JHY: variants seen among roughly 807,000 people sequenced by gnomAD.
JHY encodes the protein jhy protein homolog.
A neutral mutation model predicts 78.0 loss-of-function variants in JHY; 69 were observed. The observed-to-expected ratio is 0.88, with a 90% CI of 0.73 to 1.08. The LOEUF (loss-of-function observed/expected upper bound fraction) is 1.08, where lower values mean the gene tolerates loss of function less well. Ranked by LOEUF, JHY falls within the 50% of genes least tolerant of loss-of-function variation. The pLI is 0.00. For missense variants in JHY, 944 were observed against 927.8 expected, an observed-to-expected ratio of 1.02 and a Z score of -0.23; for synonymous variants, 368 against 342.6, an observed-to-expected ratio of 1.07 and a Z score of -0.82.
chr11:122,947,363 T>G (rs1428543974), intron 6 of JHY: 1 of 152,468 alleles, frequency 6.6e-6, no homozygotes, highest in African/African-American at 2.4e-5. Flanking sequence ...TTAGCTGACC[T>G]TTACTGAGTT....
chr11:122,936,161 G>A (rs1863751452), intron 5 of JHY, among the ~76,000 whole-genome samples: 1 of 152,104 alleles, frequency 6.6e-6, no homozygotes, highest in African/African-American at 2.4e-5. Flanking sequence ...ACCATTTCTT[G>A]GTGTTCTTCG....
intron 2 of JHY, among the ~76,000 whole-genome samples, chr11:122,894,089 G>A (rs1419659963): frequency 3.3e-5 from 5 of 152,160 alleles, no homozygotes; most frequent in African/African-American, 1.2e-4. Flanking sequence ...GGGAGGCTGA[G>A]GCGGGAGGAT....
chr11:122,931,331 G>A (rs1863631004), intron 4 of JHY, among the ~76,000 whole-genome samples: 1 of 152,168 alleles, frequency 6.6e-6, no homozygotes, highest in Non-Finnish European at 1.5e-5. Flanking sequence ...GGTAATGATA[G>A]TATTAAAGAT....
rs1864337993 is a variant in JHY at position 122,962,592 on chromosome 11, G to GTATTT, written c.*3147_*3148insTATTT. Reference sequence around the variant, plus strand: ...CATGAAGACATTTCTAGAAATATGAGGTAGAATGAATAACCTTCATTAATT... The same window carrying GTATTT: ...CATGAAGACATTTCTAGAAATATGAGTATTTGTAGAATGAATAACCTTCATTAATT... On this transcript the variant is annotated 3_prime_UTR_variant, in exon 9 of 9. Transcript: ENST00000227349. Among the ~76,000 whole-genome samples the GTATTT allele has an allele frequency of 6.6e-6, 1 of 152,058 alleles. No homozygotes were observed. The highest frequency in any genetic ancestry group is 1.5e-5 in the Non-Finnish European group (1 of 68,010).
chr11:122,922,650 A>G (rs898872554), intron 3 of JHY, among the ~76,000 whole-genome samples: 1 of 151,978 alleles, frequency 6.6e-6, no homozygotes, highest in African/African-American at 2.4e-5. Context: ...CTCTACTAAA[A>G]ATACAAAAAA....
At chr11:122,955,125 T>C (rs930362182) in intron 6 of JHY, among the ~76,000 whole-genome samples, 6 of 152,126 alleles carry the variant, frequency 3.9e-5, no homozygotes, top group Admixed American at 2.6e-4. Context: ...TTGTTGTTGT[T>C]GTTGTTGTTG....
chr11:122,933,553 T>C (rs1863679568), intron 4 of JHY, among the ~76,000 whole-genome samples: 2 of 152,240 alleles, frequency 1.3e-5, no homozygotes, highest in Non-Finnish European at 1.5e-5. Flanking sequence ...ATAAAGACTG[T>C]TGTGAAATTG....
chr11:122,924,294 T>C (rs966925835), intron 3 of JHY, among the ~76,000 whole-genome samples: 8 of 152,212 alleles, frequency 5.3e-5, no homozygotes, highest in African/African-American at 1.2e-4. Context: ...CATTGTTGCA[T>C]GTGCAGGCTC....
chr11:122,896,154 G>A (rs1862736309), intron 2 of JHY, among the ~76,000 whole-genome samples: 1 of 151,972 alleles, frequency 6.6e-6, no homozygotes. Flanking sequence ...CATTTAGTCT[G>A]GCGTGTTTCT....
In JHY at chr11:122,898,516, T is replaced by G. The variant is rs571494602; in HGVS notation, c.345-5409T>G. ...AAAACTGAAGACTCACAACAAACAT[T>G]CCCTAGATCATCAAACAGTAACACG... On this transcript the variant is annotated intron_variant, in intron 2 of 8. Transcript: ENST00000227349. The surrounding 1 kb of genome is among the most constrained non-coding windows in gnomAD (Gnocchi z 4.4). Among the ~76,000 whole-genome samples, 231 of 152,136 alleles carry G rather than the reference T, an allele frequency of 1.5e-3. 2 individuals carry two copies. Among genetic ancestry groups the G allele is most frequent in the African/African-American group, 5.3e-3 (219 of 41,510 alleles).
chr11:122,903,776 G>A (rs1189375074), intron 2 of JHY, 149 bp from the exon 3 acceptor site: 2 of 1,140,146 alleles, frequency 1.8e-6, no homozygotes, highest in African/African-American at 1.5e-5. Flanking sequence ...GCCACTGCAC[G>A]CTGCTGGGAT....
Position 122,935,632 on chromosome 11 carries a change from G to A in JHY, c.1634+557G>A, listed in dbSNP as rs1261343856. Reference sequence around the variant, plus strand: ...AGTTGAAGGGAGAGGAGGACAGAGGGACCCAGTCAAAAAACATCAGTGTGT... The same window carrying A: ...AGTTGAAGGGAGAGGAGGACAGAGGAACCCAGTCAAAAAACATCAGTGTGT... On this transcript the variant is annotated intron_variant, in intron 5 of 8. Transcript: ENST00000227349. This position sits in a 1 kb window ranked among gnomAD's most constrained non-coding sequence, Gnocchi z 4.5. 6.6e-6 allele frequency among the ~76,000 whole-genome samples: 1 copy of A among 152,142 alleles called. No individual in the cohort carries two copies.
chr11:122,889,328 C>T (rs548622131), intron 2 of JHY, among the ~76,000 whole-genome samples: 53 of 15,642 alleles, frequency 3.4e-3, no homozygotes, highest in Non-Finnish European at 0.01. Context: ...CTTTCCGTAT[C>T]CATGGTTTCG....
At chr11:122,956,435 G>T in intron 6 of JHY, 61 bp from the exon 7 acceptor site, 1 of 1,464,266 alleles carries the variant, frequency 6.8e-7, no homozygotes, top group Non-Finnish European at 9.5e-7. Flanking sequence ...CTTACAGGGT[G>T]TTAGGAGTCG....
rs1863710925 is a variant in JHY at position 122,934,638 on chromosome 11, A to G, written c.1197A>G (p.Gln399=). 2.5e-6 allele frequency: 4 copies of G among 1,614,144 alleles called. No homozygotes were observed. The highest frequency in any genetic ancestry group is 3.4e-6 in the Non-Finnish European group (4 of 1,180,022). The change falls in exon 5 of 9, where the codon CAA becomes CAG. Residue 399 remains glutamine (Q), a synonymous_variant. Coordinates refer to ENST00000227349, the MANE Select transcript of JHY (RefSeq NM_024806.4). Reference sequence around the variant, plus strand: ...AGAATAACCCTCCCAGGCAGCAACAAAACCAAAATAAGCCTCTTGATACTT... The same window carrying G: ...AGAATAACCCTCCCAGGCAGCAACAGAACCAAAATAAGCCTCTTGATACTT... ...GNQNNPPRQQ[Q]NQNKPLDTST... is the part of the protein sequence containing the mutation.
chr11:122,930,393 G>A (rs1863613023), intron 4 of JHY, among the ~76,000 whole-genome samples: 2 of 152,142 alleles, frequency 1.3e-5, no homozygotes, highest in Non-Finnish European at 1.5e-5. Context: ...AAAGAGATAG[G>A]ATTTAACCAG....
At chr11:122,939,295 T>G (rs1251701301) in intron 5 of JHY, among the ~76,000 whole-genome samples, 1 of 152,154 alleles carries the variant, frequency 6.6e-6, no homozygotes, top group African/African-American at 2.4e-5. Context: ...CCTGACTGCT[T>G]CTTAAACAGA....
intron 5 of JHY, among the ~76,000 whole-genome samples, chr11:122,938,986 CTTTT>C (rs61703024): frequency 7.5e-6 from 1 of 133,872 alleles, no homozygotes; most frequent in Admixed American, 7.5e-5. Context: ...CCTGCTTCTT[CTTTT>C]TTTTTTTTTT....
At chr11:122,887,620 C>T (rs142551253) in intron 2 of JHY, among the ~76,000 whole-genome samples, 4 of 151,554 alleles carry the variant, frequency 2.6e-5, no homozygotes, top group Admixed American at 6.6e-5. Flanking sequence ...TGTGCCCGGC[C>T]GATTTTTTTT....
Sources: gnomAD v4.1 joint callset for allele counts (sites outside exome capture counted in the v4.1 genomes callset) on GRCh38, gnomAD v4.1.1 for gene constraint, Gnocchi (gnomAD v3.1) non-coding constraint, MANE v1.5 for transcripts, NCBI Gene and HGNC (gene_info 2026-07-23, HGNC 2026-07-21) for gene names.